Variants in MB21D2 observed in about 807,000 individuals in gnomAD.
The protein encoded by MB21D2 is nucleotidyltransferase MB21D2.
Under a neutral mutation model 33.3 loss-of-function variants are expected in MB21D2, and 9 were observed. The ratio of observed to expected loss-of-function variants is 0.27; its 90% CI spans 0.16 to 0.47. The LOEUF (loss-of-function observed/expected upper bound fraction) is 0.47, where lower values mean the gene tolerates loss of function less well. Ranked by LOEUF, MB21D2 falls within the 20% of genes least tolerant of loss-of-function variation. The pLI, the probability that MB21D2 is intolerant of heterozygous loss-of-function variation, is 0.99. For synonymous variants in MB21D2, 241 were observed against 236.3 expected (o/e 1.02, Z -0.18); for missense variants, 540 against 624.6 (o/e 0.86, Z 1.44).
intron 1 of MB21D2, among the ~76,000 whole-genome samples, chr3:192,802,770 T>C (rs1055260178): frequency 6.6e-6 from 1 of 152,240 alleles, no homozygotes; most frequent in African/African-American, 2.4e-5. Flanking sequence ...TATTTGATAA[T>C]GAAATCGTTT....
intron 1 of MB21D2, among the ~76,000 whole-genome samples, chr3:192,838,575 C>T (rs1228035492): frequency 6.6e-6 from 1 of 151,682 alleles, no homozygotes; most frequent in East Asian, 1.9e-4. Flanking sequence ...ACTACAGGCG[C>T]CCACCGCCAC....
intron 1 of MB21D2, among the ~76,000 whole-genome samples, chr3:192,917,052 A>G (rs1036550154): frequency 2.6e-5 from 4 of 152,256 alleles, no homozygotes; most frequent in East Asian, 1.9e-4. Context: ...CCGGACGCCT[A>G]GACTACTTCA....
intron 1 of MB21D2, among the ~76,000 whole-genome samples, chr3:192,867,527 T>C (rs1713195989): frequency 6.6e-6 from 1 of 152,178 alleles, no homozygotes; most frequent in African/African-American, 2.4e-5. Flanking sequence ...CAGGTTTCTG[T>C]CCTGGTTGCT....
intron 1 of MB21D2, among the ~76,000 whole-genome samples, chr3:192,876,415 T>C (rs1713428903): frequency 6.6e-6 from 1 of 152,244 alleles, no homozygotes; most frequent in Admixed American, 6.5e-5. Flanking sequence ...TAATTGCTGC[T>C]CTTACTCCAG....
Position 192,863,448 on chromosome 3 carries a change from C to G in MB21D2, c.211+54182G>C, listed in dbSNP as rs537768863. Reference sequence around the variant, plus strand: ...AGTGGGAATTGTGATGGGGCACTAACATTAATTCTTGAATCAAAAGGAACG... The same window carrying G: ...AGTGGGAATTGTGATGGGGCACTAAGATTAATTCTTGAATCAAAAGGAACG... On this transcript the variant is annotated intron_variant, in intron 1 of 1. Transcript: ENST00000392452. Among the ~76,000 whole-genome samples, 11 of 152,346 alleles carry G rather than the reference C, an allele frequency of 7.2e-5. No individual in the cohort carries two copies. In the South Asian group the frequency reaches 2.1e-3, roughly 29 times the overall value.
chr3:192,797,719 C>A lies in MB21D2; in HGVS notation c.*667G>T, dbSNP rs1720552357. 1 of 152,520 alleles carries A rather than the reference C, an allele frequency of 6.6e-6. No homozygotes were observed. Among genetic ancestry groups the A allele is most frequent in the Non-Finnish European group, 1.5e-5 (1 of 68,018 alleles). 9.4% of individuals were successfully genotyped at this position (152,520 alleles called of 1,614,324 possible). A position where few individuals can be genotyped will look rare whatever the true frequency, so the allele number is the denominator to read the frequency against. On this transcript the variant is annotated 3_prime_UTR_variant, in exon 2 of 2. Coordinates refer to ENST00000392452, the MANE Select transcript of MB21D2 (RefSeq NM_178496.4). ...AAATTAACATTTGGAAACCTTAATT[C>A]TGCTTGGAAAACTGTCAAAGACACC...
At chr3:192,878,886 C>T (rs1458111402) in intron 1 of MB21D2, among the ~76,000 whole-genome samples, 4 of 152,190 alleles carry the variant, frequency 2.6e-5, no homozygotes, top group East Asian at 3.8e-4. Flanking sequence ...ATTGCTTGAA[C>T]CCGGGATGTG....
intron 1 of MB21D2, among the ~76,000 whole-genome samples, chr3:192,818,980 G>A (rs1485570147): frequency 1.8e-5 from 2 of 108,122 alleles, no homozygotes; most frequent in African/African-American, 1.0e-4. Context: ...ATATCCGAGA[G>A]GCAGGAATTG....
chr3:192,816,223 T>TAAAAAAA (rs11423810), intron 1 of MB21D2, among the ~76,000 whole-genome samples: 5 of 150,686 alleles, frequency 3.3e-5, no homozygotes, highest in African/African-American at 9.8e-5. Flanking sequence ...TTTTTTTTTT[T>TAAAAAAA]AAAAAAAAAG....
chr3:192,875,084 C>T (rs1337200210), intron 1 of MB21D2, among the ~76,000 whole-genome samples: 6 of 152,078 alleles, frequency 3.9e-5, no homozygotes, highest in Admixed American at 6.6e-5. Context: ...ACTGAGACCC[C>T]GACTGATACA....
At chr3:192,909,903 C>G (rs1208615639) in intron 1 of MB21D2, among the ~76,000 whole-genome samples, 1 of 134,394 alleles carries the variant, frequency 7.4e-6, no homozygotes, top group Non-Finnish European at 1.5e-5. Context: ...GGCCACTGCT[C>G]TCCAGCCTGA....
intron 1 of MB21D2, among the ~76,000 whole-genome samples, chr3:192,854,744 A>G (rs1222123295): frequency 6.6e-6 from 1 of 152,242 alleles, no homozygotes; most frequent in Non-Finnish European, 1.5e-5. Context: ...GCCAATGTCC[A>G]TCTACCATTC....
chr3:192,831,413 A>G (rs1290776308), intron 1 of MB21D2, among the ~76,000 whole-genome samples: 1 of 152,246 alleles, frequency 6.6e-6, no homozygotes, highest in African/African-American at 2.4e-5. Flanking sequence ...GAGATCATAA[A>G]TGCTTAATGT....
At chr3:192,861,624 T>A (rs943163799) in intron 1 of MB21D2, among the ~76,000 whole-genome samples, 1 of 152,044 alleles carries the variant, frequency 6.6e-6, no homozygotes. Context: ...CTGACCAACA[T>A]GGAGAAACCC....
intron 1 of MB21D2, among the ~76,000 whole-genome samples, chr3:192,915,881 C>A (rs1031788418): frequency 6.6e-6 from 1 of 152,058 alleles, no homozygotes. Flanking sequence ...AGTAAATGAC[C>A]TACGCAAGTG....
At chr3:192,896,741 T>A (rs1019363264) in intron 1 of MB21D2, among the ~76,000 whole-genome samples, 3 of 152,216 alleles carry the variant, frequency 2.0e-5, no homozygotes, top group Admixed American at 6.5e-5. Flanking sequence ...ATTACCATCA[T>A]TGGCTAGTTA....
intron 1 of MB21D2, among the ~76,000 whole-genome samples, chr3:192,804,150 C>T (rs2108609270): frequency 6.6e-6 from 1 of 152,270 alleles, no homozygotes; most frequent in Non-Finnish European, 1.5e-5. Flanking sequence ...CAGTTATTTA[C>T]TGATTATCTT....
chr3:192,874,546 A>G (rs1232148163), intron 1 of MB21D2, among the ~76,000 whole-genome samples: 1 of 152,184 alleles, frequency 6.6e-6, no homozygotes, highest in Admixed American at 6.5e-5. Flanking sequence ...ATTATCCTGT[A>G]TGTATAGTTG....
chr3:192,853,615 T>C (rs1560239808), intron 1 of MB21D2, among the ~76,000 whole-genome samples: 2 of 152,146 alleles, frequency 1.3e-5, no homozygotes, highest in Admixed American at 1.3e-4. Context: ...ACGCTAAATG[T>C]TCCACATACA....
Sources: allele counts gnomAD v4.1 joint callset (sites outside exome capture counted in the v4.1 genomes callset), GRCh38; gene constraint gnomAD v4.1.1; transcripts MANE v1.5; gene names NCBI Gene and HGNC (gene_info 2026-07-23, HGNC 2026-07-21).